LAMA2: variants seen among roughly 807,000 people sequenced by gnomAD.
The protein encoded by LAMA2 is laminin subunit alpha 2.
A neutral mutation model predicts 364.8 loss-of-function variants in LAMA2; 269 were observed. That is an observed-to-expected ratio of 0.74 (90% CI 0.67 to 0.82). The LOEUF (loss-of-function observed/expected upper bound fraction) is 0.82, where lower values mean the gene tolerates loss of function less well. Ranked by LOEUF, LAMA2 falls within the 40% of genes least tolerant of loss-of-function variation. The probability of loss-of-function intolerance (pLI) is 0.00; values close to 1 mark genes in which losing one functional copy is unlikely to be tolerated. For missense variants in LAMA2, 3,807 were observed against 3,873.2 expected (o/e 0.98, Z 0.45); for synonymous variants, 1,379 against 1,370.6 (o/e 1.01, Z -0.14).
chr6:129,294,110 G>A (rs1002584633), intron 20 of LAMA2, among the ~76,000 whole-genome samples: 2 of 152,244 alleles, frequency 1.3e-5, no homozygotes, highest in South Asian at 2.1e-4. Flanking sequence ...TCTGACTCCC[G>A]GGAAAACACA....
In LAMA2 at chr6:129,426,066, C is replaced by A. The variant is rs970488017; in HGVS notation, c.5866-1686C>A. 6.6e-5 allele frequency among the ~76,000 whole-genome samples: 10 copies of A among 152,112 alleles called. No homozygotes were observed. In the East Asian group the frequency reaches 1.9e-3, roughly 29 times the overall value. ...AATGGCCTATATTATCTTGACAATTCAGGATTGTATTATCATCCTTGGTTA... is the reference window on the plus strand; with the variant it reads ...AATGGCCTATATTATCTTGACAATTAAGGATTGTATTATCATCCTTGGTTA... On this transcript the variant is annotated intron_variant, in intron 40 of 64. Coordinates refer to ENST00000421865, the MANE Select transcript of LAMA2 (RefSeq NM_000426.4).
intron 50 of LAMA2, among the ~76,000 whole-genome samples, chr6:129,464,749 A>G (rs1420389109): frequency 6.6e-6 from 1 of 151,982 alleles, no homozygotes; most frequent in Non-Finnish European, 1.5e-5. Context: ...CAGCAGCAAA[A>G]TGCTTCCTTA....
At chr6:129,395,369 C>T (rs1408959999) in intron 37 of LAMA2, among the ~76,000 whole-genome samples, 1 of 152,170 alleles carries the variant, frequency 6.6e-6, no homozygotes, top group Non-Finnish European at 1.5e-5. Flanking sequence ...TATCAAGCCT[C>T]TAATTCATTC....
intron 3 of LAMA2, among the ~76,000 whole-genome samples, chr6:129,068,690 A>G (rs1051999148): frequency 3.9e-5 from 6 of 152,212 alleles, no homozygotes. Context: ...TCCAGTTCCT[A>G]TGCATGTTCT....
chr6:129,201,770 C>A (rs758636545), intron 12 of LAMA2, among the ~76,000 whole-genome samples: 1 of 152,062 alleles, frequency 6.6e-6, no homozygotes, highest in East Asian at 1.9e-4. Context: ...AGCATATAAG[C>A]CACTACCAGG....
intron 17 of LAMA2, among the ~76,000 whole-genome samples, chr6:129,277,642 A>G (rs940217663): frequency 1.7e-4 from 26 of 152,196 alleles, no homozygotes; most frequent in African/African-American, 5.8e-4. Context: ...TAGATCCCAT[A>G]CTAAATTCTC....
rs1313865260 is a variant in LAMA2 at position 129,492,408 on chromosome 6, T to G, written c.8169T>G (p.Ala2723=). ...TCCGTGAAGATGAAGATGGAGCAGC[T>G]CCAGCTGAAATAGTTATCCAGCCTG... ...QKLREDEDGA[A]PAEIVIQPEP... is the part of the protein sequence containing the mutation. The change falls in exon 58 of 65, where the codon GCT becomes GCG. Residue 2723 remains alanine, a synonymous_variant. Coordinates refer to ENST00000421865, the MANE Select transcript of LAMA2 (RefSeq NM_000426.4). The G allele has an allele frequency of 6.2e-7, 1 of 1,614,184 alleles. No individual in the cohort carries two copies. The highest frequency in any genetic ancestry group is 2.2e-5 in the East Asian group (1 of 44,876).
intron 1 of LAMA2, among the ~76,000 whole-genome samples, chr6:129,014,535 C>T (rs944549625): frequency 2.0e-5 from 3 of 152,034 alleles, no homozygotes; most frequent in African/African-American, 7.2e-5. Context: ...CTTCGGATGG[C>T]CCTTAGATGG....
At chr6:129,087,944 G>A (rs1774484637) in intron 3 of LAMA2, among the ~76,000 whole-genome samples, 1 of 148,550 alleles carries the variant, frequency 6.7e-6, no homozygotes, top group South Asian at 2.2e-4. Flanking sequence ...TTCTCACAGA[G>A]GGGGATTTGG....
intron 1 of LAMA2, among the ~76,000 whole-genome samples, chr6:129,011,020 C>T (rs1246097505): frequency 4.6e-5 from 7 of 151,934 alleles, no homozygotes; most frequent in African/African-American, 1.7e-4. Context: ...GCTCTGTCAC[C>T]CCCTGGCTGG....
chr6:129,245,656 A>C (rs993934417), intron 12 of LAMA2, among the ~76,000 whole-genome samples: 4 of 152,164 alleles, frequency 2.6e-5, no homozygotes, highest in Non-Finnish European at 5.9e-5. Flanking sequence ...TTTTATATAG[A>C]GTTCTCCCTG....
Position 129,491,891 on chromosome 6 carries a change from A to G in LAMA2, c.7899-10A>G, listed in dbSNP as rs1483767572. The G allele has an allele frequency of 8.2e-6, 13 of 1,594,500 alleles. No homozygotes were observed. The highest frequency in any genetic ancestry group is 1.0e-5 in the Non-Finnish European group (12 of 1,162,792). On this transcript the variant is annotated splice_polypyrimidine_tract_variant and intron_variant, in intron 56 of 64. Coordinates refer to ENST00000421865, the MANE Select transcript of LAMA2 (RefSeq NM_000426.4). Reference sequence around the variant, plus strand: ...TGACTTATACTTGTTTATTTTTAATATTTTATCAGCATCTTTACAGTTCAA... The same window carrying G: ...TGACTTATACTTGTTTATTTTTAATGTTTTATCAGCATCTTTACAGTTCAA...
intron 4 of LAMA2, among the ~76,000 whole-genome samples, chr6:129,109,415 G>A (rs1188440560): frequency 6.6e-6 from 1 of 152,066 alleles, no homozygotes; most frequent in Non-Finnish European, 1.5e-5. Flanking sequence ...CTATAAGAGA[G>A]AACATAATGC....
intron 35 of LAMA2, among the ~76,000 whole-genome samples, chr6:129,386,669 A>T (rs1779035856): frequency 6.6e-6 from 1 of 152,178 alleles, no homozygotes; most frequent in Admixed American, 6.5e-5. Flanking sequence ...TAATAAATAA[A>T]TGTTATCCAA....
At chr6:129,284,366 A>G (rs754476484) in intron 18 of LAMA2, among the ~76,000 whole-genome samples, 1 of 151,990 alleles carries the variant, frequency 6.6e-6, no homozygotes, top group Non-Finnish European at 1.5e-5. Context: ...GCCTAATCTG[A>G]GTTGGTTGCC....
rs1788768514 is a variant in LAMA2 at position 129,059,825 on chromosome 6, T to G, written c.325T>G (p.Trp109Gly). Residue 109 changes from tryptophan to glycine, a missense_variant, in exon 3 of 65, where the codon TGG (tryptophan) becomes GGG (glycine). By Grantham distance (184) the Trp-to-Gly change is radical (BLOSUM62 -2). Coordinates refer to ENST00000421865, the MANE Select transcript of LAMA2 (RefSeq NM_000426.4). ...AAATGCTATTGATGGAAAGAACACTTGGTGGCAGAGTCCCAGTATTAAGAA... is the reference window on the plus strand; with the variant it reads ...AAATGCTATTGATGGAAAGAACACTGGGTGGCAGAGTCCCAGTATTAAGAA... ...ITNAIDGKNT[W>G]WQSPSIKNGI... is the part of the protein sequence containing the mutation. 1 of 1,610,844 alleles carries G rather than the reference T, an allele frequency of 6.2e-7. No homozygotes were observed. The highest frequency in any genetic ancestry group is 1.3e-5 in the African/African-American group (1 of 74,886).
chr6:129,112,948 A>T (rs1392258703), intron 4 of LAMA2, among the ~76,000 whole-genome samples: 1 of 152,096 alleles, frequency 6.6e-6, no homozygotes, highest in African/African-American at 2.4e-5. Flanking sequence ...TTAAACATAC[A>T]CTTAGGGAAA....
intron 5 of LAMA2, 23 bp downstream of exon 5, chr6:129,144,103 A>G: frequency 6.3e-7 from 1 of 1,575,878 alleles, no homozygotes; most frequent in East Asian, 2.2e-5. Context: ...GAATCATATT[A>G]GAGCCTACAA....
Position 129,283,421 on chromosome 6 carries a change from T to A in LAMA2, c.2537+3274T>A, listed in dbSNP as rs150739159. Among the ~76,000 whole-genome samples the A allele has an allele frequency of 6.8e-3, 1,040 of 152,054 alleles. 8 individuals carry two copies. Among genetic ancestry groups the A allele is most frequent in the Non-Finnish European group, 8.6e-3 (588 of 67,990 alleles). On this transcript the variant is annotated intron_variant, in intron 18 of 64. Coordinates refer to ENST00000421865, the MANE Select transcript of LAMA2 (RefSeq NM_000426.4). Reference sequence around the variant, plus strand: ...CATGTCATACATTATGGAGAAGGCATTTCAAAAAGGCAGGCAAGTTCATCT... The same window carrying A: ...CATGTCATACATTATGGAGAAGGCAATTCAAAAAGGCAGGCAAGTTCATCT...
Sources: allele counts gnomAD v4.1 joint callset (sites outside exome capture counted in the v4.1 genomes callset), GRCh38; gene constraint gnomAD v4.1.1; transcripts MANE v1.5; gene names NCBI Gene and HGNC (gene_info 2026-07-23, HGNC 2026-07-21).